The following IREB2 variants were observed in gnomAD, a reference collection of about 807,000 sequenced individuals.
IREB2 encodes the protein iron-responsive element-binding protein 2.
IREB2 carries 39 observed loss-of-function variants against 118.8 expected under a neutral mutation model. The observed-to-expected ratio is 0.33, with a 90% CI of 0.25 to 0.43. The LOEUF (loss-of-function observed/expected upper bound fraction) is 0.43. IREB2 is among the 20% of genes least tolerant of loss of function. The probability of loss-of-function intolerance (pLI) is 1.00; values close to 1 mark genes in which losing one functional copy is unlikely to be tolerated. For missense variants in IREB2, 900 were observed against 1,147.3 expected (o/e 0.78, Z 3.11); for synonymous variants, 372 against 392.2 (o/e 0.95, Z 0.61).
intron 18 of IREB2, among the ~76,000 whole-genome samples, chr15:78,492,600 C>G (rs534842593): frequency 6.6e-6 from 1 of 152,264 alleles, no homozygotes; most frequent in South Asian, 2.1e-4. Context: ...GGGTCTCACT[C>G]TTGCCTGGGC....
intron 10 of IREB2, 115 bp from the exon 11 acceptor site, chr15:78,483,203 T>G (rs1288701888): frequency 3.6e-6 from 2 of 558,190 alleles, no homozygotes; most frequent in Middle Eastern, 4.3e-4. Flanking sequence ...TAAAATAAAT[T>G]GCATTAAAAT....
At chr15:78,443,189 G>T (rs2050872509) in intron 2 of IREB2, among the ~76,000 whole-genome samples, 1 of 152,134 alleles carries the variant, frequency 6.6e-6, no homozygotes, top group South Asian at 2.1e-4. Flanking sequence ...TAATAAAATA[G>T]AACAGTTATA....
intron 9 of IREB2, among the ~76,000 whole-genome samples, chr15:78,477,946 G>T (rs189799024): frequency 5.6e-4 from 85 of 152,054 alleles, no homozygotes; most frequent in South Asian, 2.1e-4. Flanking sequence ...TATTGGCGGG[G>T]TGTGGTGGCT....
chr15:78,497,335 A>G (rs371291672), intron 21 of IREB2, 24 bp downstream of exon 21: 1 of 1,455,326 alleles, frequency 6.9e-7, no homozygotes, highest in African/African-American at 1.4e-5. Flanking sequence ...TTTCAAATAT[A>G]TGATTATGCA....
intron 5 of IREB2, among the ~76,000 whole-genome samples, chr15:78,467,742 A>G (rs1443339409): frequency 6.6e-6 from 1 of 152,182 alleles, no homozygotes; most frequent in Non-Finnish European, 1.5e-5. Context: ...AAAGTTTCCA[A>G]ACTTTTAAAA....
intron 1 of IREB2, among the ~76,000 whole-genome samples, chr15:78,439,019 G>A (rs1044335614): frequency 1.3e-5 from 2 of 151,976 alleles, no homozygotes; most frequent in African/African-American, 4.8e-5. Context: ...GAGGGTCCTG[G>A]CCACCCACCG....
chr15:78,499,634 A>G lies in IREB2; in HGVS notation c.*1491A>G, dbSNP rs2051905492. 1 of 152,264 alleles carries G rather than the reference A, an allele frequency of 6.6e-6. No individual in the cohort carries two copies. Among genetic ancestry groups the G allele is most frequent in the African/African-American group, 2.4e-5 (1 of 41,474 alleles). The allele number at this position is 152,264 out of a possible 1,614,324, so 9.4% of individuals were successfully genotyped here. A position where few individuals can be genotyped will look rare whatever the true frequency, so the allele number is the denominator to read the frequency against. On this transcript the variant is annotated 3_prime_UTR_variant, in exon 22 of 22. Transcript: ENST00000258886. The stretch of plus-strand genomic sequence containing the variant: ...CAATAAGATGGACTAGAGTTCGACA[A>G]AATGATTTCTTTATTTAAATTTTGT...
At chr15:78,451,862 C>T (rs1350301570) in intron 2 of IREB2, among the ~76,000 whole-genome samples, 1 of 152,010 alleles carries the variant, frequency 6.6e-6, no homozygotes, top group Non-Finnish European at 1.5e-5. Flanking sequence ...AGGGTTTCAC[C>T]ATGTTGGTCA....
intron 2 of IREB2, among the ~76,000 whole-genome samples, chr15:78,448,622 G>A (rs2568494): frequency 0.36 from 54,415 of 152,064 alleles, 10,112 homozygotes; most frequent in African/African-American, 0.44. Context: ...ATAGGCATGG[G>A]TTAGTCCTGT....
chr15:78,488,119 T>C (rs2051691069), intron 14 of IREB2, 61 bp from the exon 15 acceptor site: 6 of 1,482,344 alleles, frequency 4.0e-6, no homozygotes, highest in Non-Finnish European at 5.5e-6. Flanking sequence ...TATATGATTA[T>C]CCAGATTTGT....
intron 8 of IREB2, 129 bp downstream of exon 8, chr15:78,473,510 C>G: frequency 1.6e-6 from 1 of 642,946 alleles, no homozygotes. Flanking sequence ...GCCACATCAT[C>G]ATAGTTATCA....
rs796111080 is a variant in IREB2 at position 78,438,262 on chromosome 15, C to G, written c.-76C>G. 1.7e-6 allele frequency: 2 copies of G among 1,162,058 alleles called. No homozygotes were observed. The highest frequency in any genetic ancestry group is 2.5e-6 in the Non-Finnish European group (2 of 790,246). The allele number at this position is 1,162,058 out of a possible 1,614,324, so 72.0% of individuals were successfully genotyped here. A position where few individuals can be genotyped will look rare whatever the true frequency, so the allele number is the denominator to read the frequency against. Reference sequence around the variant, plus strand: ...CCCTTGCCAGTCCGCCTGTCTTCCTCCCCGTCTTCCCTGCCCGGCCTCCCC... The same window carrying G: ...CCCTTGCCAGTCCGCCTGTCTTCCTGCCCGTCTTCCCTGCCCGGCCTCCCC... On this transcript the variant is annotated 5_prime_UTR_variant, in exon 1 of 22. Transcript: ENST00000258886.
chr15:78,474,836 A>G (rs1039988975), intron 8 of IREB2: 1 of 150,678 alleles, frequency 6.6e-6, no homozygotes, highest in African/African-American at 2.4e-5. Flanking sequence ...CGGGTGGATC[A>G]TGAGGTCAGG....
chr15:78,471,444 G>A (rs2051375180), intron 6 of IREB2, among the ~76,000 whole-genome samples: 1 of 152,220 alleles, frequency 6.6e-6, no homozygotes, highest in Non-Finnish European at 1.5e-5. Context: ...TGGAGGGAGG[G>A]CCTTGTACAT....
At chr15:78,447,858 T>C (rs2050957443) in intron 2 of IREB2, among the ~76,000 whole-genome samples, 1 of 152,220 alleles carries the variant, frequency 6.6e-6, no homozygotes, top group South Asian at 2.1e-4. Context: ...AGGCAGCCTA[T>C]TGGACATGAC....
intron 8 of IREB2, chr15:78,475,904 G>A: frequency 4.5e-6 from 1 of 223,982 alleles, no homozygotes; most frequent in Non-Finnish European, 8.8e-6. Context: ...CTATTGAGTT[G>A]AGGTACCCTG....
At chr15:78,453,550 T>G (rs1196509821) in intron 2 of IREB2, among the ~76,000 whole-genome samples, 4 of 151,992 alleles carry the variant, frequency 2.6e-5, no homozygotes, top group Non-Finnish European at 5.9e-5. Flanking sequence ...GATTGATGAC[T>G]CTTGAGTCCT....
At chr15:78,470,693 T>A in intron 6 of IREB2, 92 bp downstream of exon 6, 1 of 521,986 alleles carries the variant, frequency 1.9e-6, no homozygotes, top group Non-Finnish European at 3.1e-6. Flanking sequence ...CTTTTCCTTT[T>A]TTTTTTTTTT....
intron 18 of IREB2, among the ~76,000 whole-genome samples, chr15:78,493,056 A>C (rs1355011534): frequency 1.3e-5 from 2 of 152,216 alleles, no homozygotes; most frequent in African/African-American, 4.8e-5. Flanking sequence ...ATTGTTGCCA[A>C]AAATTAAAAA....
Sources: allele counts gnomAD v4.1 joint callset (sites outside exome capture counted in the v4.1 genomes callset), GRCh38; gene constraint gnomAD v4.1.1; transcripts MANE v1.5; gene names NCBI Gene and HGNC (gene_info 2026-07-23, HGNC 2026-07-21).